TAF13: variants seen among roughly 807,000 people sequenced by gnomAD.
TAF13 encodes the protein TATA-box binding protein associated factor 13, also known as transcription initiation factor TFIID subunit 13.
Under a neutral mutation model 18.7 loss-of-function variants are expected in TAF13, and 9 were observed. The observed-to-expected ratio is 0.48, with a 90% CI of 0.29 to 0.84. TAF13 has a LOEUF of 0.84. Among genes scored for constraint, TAF13 ranks in the 40% least tolerant of loss-of-function variants. The pLI is 0.08. For missense variants in TAF13, 105 were observed against 146.5 expected (o/e 0.72, Z 1.46); for synonymous variants, 49 against 44.1 (o/e 1.11, Z -0.44).
chr1:109,074,379 A>G (rs1664142596), intron 2 of TAF13, among the ~76,000 whole-genome samples: 1 of 152,126 alleles, frequency 6.6e-6, no homozygotes, highest in African/African-American at 2.4e-5. Flanking sequence ...TGAAGGCAGC[A>G]TGCTCGTTAA....
rs547790453 is a variant in TAF13, at chr1:109,074,622, C to A, written c.106+365G>T. 1.8e-4 allele frequency among the ~76,000 whole-genome samples: 28 copies of A among 151,764 alleles called. 1 individual carries two copies. The highest frequency in any genetic ancestry group is 1.1e-3 in the Admixed American group (17 of 15,248). On this transcript the variant is annotated intron_variant, in intron 2 of 3. Transcript: ENST00000338366. ...TAAAATAAAGCAAAATAAAAACACA[C>A]AAAAAAAATTAGGTGGGCGTGGTGG...
At chr1:109,075,892 A>T (rs368489486) in intron 1 of TAF13, 29 bp downstream of exon 1, 1,297 of 1,614,076 alleles carry the variant, frequency 8.0e-4, no homozygotes, top group Non-Finnish European at 1.0e-3. Flanking sequence ...TGAAGAAAAG[A>T]CAGGTTTTGG....
chr1:109,070,681 A>G (rs1344567195), intron 2 of TAF13, among the ~76,000 whole-genome samples: 3 of 152,016 alleles, frequency 2.0e-5, no homozygotes, highest in Admixed American at 1.3e-4. Context: ...GGCATGAGCC[A>G]CCGTACCCAG....
Position 109,066,218 on chromosome 1 carries a change from ACAT to A in TAF13, c.118_120del (p.Met40del), listed in dbSNP as rs1663948786. The A allele has an allele frequency of 6.2e-7, 1 of 1,608,498 alleles. No homozygotes were observed. Among genetic ancestry groups the A allele is most frequent in the Non-Finnish European group, 8.5e-7 (1 of 1,178,364 alleles). On this transcript the variant is annotated inframe_deletion, in exon 3 of 4. Coordinates refer to ENST00000338366, the MANE Select transcript of TAF13 (RefSeq NM_005645.4). ...GGATTCTGGTCATCCCCAAAGCCAT[ACAT>A]CATACATCGCACTGTAAAAGAACAA...
chr1:109,066,378 G>C (rs1350143163), intron 2 of TAF13, 146 bp from the exon 3 acceptor site: 9 of 664,814 alleles, frequency 1.4e-5, no homozygotes, highest in South Asian at 2.2e-5. Flanking sequence ...TCCAAGTATG[G>C]ATTCTTGTGT....
At position 109,075,993 on chromosome 1, in the gene TAF13, C is replaced by G; in HGVS notation, c.-46G>C. 1 of 1,614,042 alleles carries G rather than the reference C, an allele frequency of 6.2e-7. No individual in the cohort carries two copies. Among genetic ancestry groups the G allele is most frequent in the South Asian group, 1.1e-5 (1 of 91,086 alleles). On this transcript the variant is annotated 5_prime_UTR_variant, in exon 1 of 4. Transcript: ENST00000338366. The stretch of plus-strand genomic sequence containing the variant: ...CAGCGTCCTGCCGGCTGGCTCCCAG[C>G]TGGTTACACTACTTCCGCCGCCTCA...
rs1375794154 is a variant in TAF13 at position 109,075,961 on chromosome 1, C to G, written c.-14G>C. 6.2e-7 allele frequency: 1 copy of G among 1,614,206 alleles called. No homozygotes were observed. The highest frequency in any genetic ancestry group is 8.5e-7 in the Non-Finnish European group (1 of 1,180,034). Reference sequence around the variant, plus strand: ...CTCATCTGCCATCCCACTAGCACGCCAACTCACAGCGTCCTGCCGGCTGGC... The same window carrying G: ...CTCATCTGCCATCCCACTAGCACGCGAACTCACAGCGTCCTGCCGGCTGGC... On this transcript the variant is annotated 5_prime_UTR_variant, in exon 1 of 4. Transcript: ENST00000338366.
intron 2 of TAF13, among the ~76,000 whole-genome samples, chr1:109,073,626 C>T (rs932458470): frequency 1.1e-4 from 17 of 152,178 alleles, no homozygotes; most frequent in Admixed American, 1.0e-3. Context: ...CTCGGCCTCC[C>T]GAGGTGCCGG....
At chr1:109,070,692 T>TC (rs1314796798) in intron 2 of TAF13, among the ~76,000 whole-genome samples, 3 of 150,718 alleles carry the variant, frequency 2.0e-5, no homozygotes, top group Non-Finnish European at 1.5e-5. Flanking sequence ...CCGTACCCAG[T>TC]CCCCCCCAAA....
At chr1:109,072,055 TATATATATATATATATATATACACACAC>T (rs1664079930) in intron 2 of TAF13, among the ~76,000 whole-genome samples, 5 of 4,666 alleles carry the variant, frequency 1.1e-3, no homozygotes, top group African/African-American at 3.5e-3. Context: ...CACACACATA[TATATATATATATATATATATACACACAC>T]ATATATATAT....
At chr1:109,066,525 C>A (rs1287392269) in intron 2 of TAF13, among the ~76,000 whole-genome samples, 1 of 152,140 alleles carries the variant, frequency 6.6e-6, no homozygotes, top group African/African-American at 2.4e-5. Flanking sequence ...GTCCCTGCCC[C>A]CAGCAGAACA....
chr1:109,069,452 T>C (rs147926318), intron 2 of TAF13, among the ~76,000 whole-genome samples: 249 of 152,282 alleles, frequency 1.6e-3, no homozygotes, highest in Middle Eastern at 0.014. Flanking sequence ...TAGGGAATAG[T>C]GACAAGGAAA....
intron 2 of TAF13, among the ~76,000 whole-genome samples, chr1:109,066,747 C>T (rs1427290192): frequency 2.0e-5 from 3 of 152,098 alleles, no homozygotes; most frequent in South Asian, 2.1e-4. Flanking sequence ...GACAGAGTCT[C>T]GCTCTGTCGC....
At position 109,064,506 on chromosome 1, in the gene TAF13, G is replaced by A. The variant is rs759586910; in HGVS notation, c.*17C>T. ...ATGGTTTCCCCAGATGGTAATTTTC[G>A]GAAACTACAAAAAGTGTCAAGATCC... On this transcript the variant is annotated 3_prime_UTR_variant, in exon 4 of 4. Coordinates refer to ENST00000338366, the MANE Select transcript of TAF13 (RefSeq NM_005645.4). 2.5e-5 allele frequency: 35 copies of A among 1,410,092 alleles called. No homozygotes were observed. The highest frequency in any genetic ancestry group is 7.4e-5 in the African/African-American group (5 of 67,804). The allele number at this position is 1,410,092 out of a possible 1,614,324, so 87.3% of individuals were successfully genotyped here. A position where few individuals can be genotyped will look rare whatever the true frequency, so the allele number is the denominator to read the frequency against.
At chr1:109,074,643 G>A (rs1317498283) in intron 2 of TAF13, among the ~76,000 whole-genome samples, 1 of 152,158 alleles carries the variant, frequency 6.6e-6, no homozygotes, top group African/African-American at 2.4e-5. Context: ...AGGTGGGCGT[G>A]GTGGCCGGCG....
At chr1:109,073,626 C>G (rs932458470) in intron 2 of TAF13, among the ~76,000 whole-genome samples, 1 of 152,178 alleles carries the variant, frequency 6.6e-6, no homozygotes, top group African/African-American at 2.4e-5. Context: ...CTCGGCCTCC[C>G]GAGGTGCCGG....
chr1:109,072,340 T>C (rs192678934), intron 2 of TAF13, among the ~76,000 whole-genome samples: 2 of 151,774 alleles, frequency 1.3e-5, no homozygotes, highest in African/African-American at 2.4e-5. Context: ...TCAGTATTAG[T>C]AGCAGCTCTC....
intron 2 of TAF13, among the ~76,000 whole-genome samples, chr1:109,071,957 A>AAAAAAAAAT (rs1268379958): frequency 1.1e-5 from 1 of 87,864 alleles, no homozygotes; most frequent in African/African-American, 5.1e-5. Flanking sequence ...TCAAAAAGAA[A>AAAAAAAAAT]ATATATATAT....
intron 2 of TAF13, among the ~76,000 whole-genome samples, chr1:109,070,700 A>T (rs1249189351): frequency 6.7e-6 from 1 of 150,144 alleles, no homozygotes; most frequent in African/African-American, 2.4e-5. Context: ...AGTCCCCCCC[A>T]AATTTTTTTT....
Sources: allele counts gnomAD v4.1 joint callset (sites outside exome capture counted in the v4.1 genomes callset), GRCh38; gene constraint gnomAD v4.1.1; transcripts MANE v1.5; gene names NCBI Gene and HGNC (gene_info 2026-07-23, HGNC 2026-07-21).